TM4SF4: variants seen among roughly 807,000 people sequenced by gnomAD.
TM4SF4 encodes the protein transmembrane 4 L six family member 4.
In TM4SF4, 24 loss-of-function variants were observed where a neutral mutation model predicts 24.1. The ratio of observed to expected loss-of-function variants is 1.00; its 90% confidence interval spans 0.72 to 1.40. The LOEUF (loss-of-function observed/expected upper bound fraction) is 1.40, where lower values mean the gene tolerates loss of function less well. Among genes scored for constraint, TM4SF4 ranks in the 40% most tolerant of loss-of-function variants. TM4SF4 has a pLI of 0.00. For missense variants in TM4SF4, 254 were observed against 254.2 expected, an observed-to-expected ratio of 1.00 and a Z score of 0.01; for synonymous variants, 113 against 97.0, an observed-to-expected ratio of 1.17 and a Z score of -0.97.
chr3:149,499,037 A>C (rs1576523519), intron 4 of TM4SF4, 126 bp downstream of exon 4: 1 of 962,682 alleles, frequency 1.0e-6, no homozygotes, highest in Non-Finnish European at 1.6e-6. Flanking sequence ...CCACCTGCAG[A>C]AAACCAGCCC....
intron 2 of TM4SF4, among the ~76,000 whole-genome samples, chr3:149,478,207 G>A (rs1289465630): frequency 2.0e-5 from 3 of 152,198 alleles, no homozygotes; most frequent in Non-Finnish European, 2.9e-5. Flanking sequence ...GCGCAATGGC[G>A]CGATCTCGGC....
At chr3:149,500,736 G>A (rs1219426289) in intron 4 of TM4SF4, among the ~76,000 whole-genome samples, 1 of 152,140 alleles carries the variant, frequency 6.6e-6, no homozygotes, top group African/African-American at 2.4e-5. Flanking sequence ...GCTGGACATG[G>A]TGGCTCATGT....
intron 3 of TM4SF4, among the ~76,000 whole-genome samples, chr3:149,489,192 G>C (rs1323204643): frequency 6.6e-6 from 1 of 152,182 alleles, no homozygotes; most frequent in Admixed American, 6.5e-5. Context: ...TGGCTTGCTT[G>C]AGCATCAAAC....
At chr3:149,492,128 A>T (rs981492958) in intron 3 of TM4SF4, among the ~76,000 whole-genome samples, 1 of 152,174 alleles carries the variant, frequency 6.6e-6, no homozygotes, top group African/African-American at 2.4e-5. Flanking sequence ...AAGATGATGA[A>T]CATCACCCAG....
intron 2 of TM4SF4, among the ~76,000 whole-genome samples, chr3:149,485,548 A>T (rs886090175): frequency 1.3e-5 from 2 of 152,222 alleles, no homozygotes. Context: ...AAACTATGCT[A>T]AGTGTGGAAA....
chr3:149,490,815 G>A (rs1576520649), intron 3 of TM4SF4, among the ~76,000 whole-genome samples: 1 of 152,170 alleles, frequency 6.6e-6, no homozygotes, highest in East Asian at 1.9e-4. Flanking sequence ...TCAGTCACTT[G>A]TATGAGCCAA....
intron 3 of TM4SF4, 78 bp from the exon 4 acceptor site, chr3:149,498,644 A>G: frequency 7.5e-7 from 1 of 1,341,762 alleles, no homozygotes; most frequent in Non-Finnish European, 1.1e-6. Flanking sequence ...CATGAGAAAC[A>G]TTGTTATGGT....
intron 2 of TM4SF4, among the ~76,000 whole-genome samples, chr3:149,481,979 A>G (rs933235374): frequency 1.1e-4 from 16 of 152,196 alleles, no homozygotes; most frequent in African/African-American, 2.9e-4. Flanking sequence ...TAATAATGAC[A>G]TTGATCAAGT....
At chr3:149,486,967 T>C (rs1734126870) in intron 2 of TM4SF4, among the ~76,000 whole-genome samples, 1 of 152,170 alleles carries the variant, frequency 6.6e-6, no homozygotes, top group South Asian at 2.1e-4. Flanking sequence ...TTAAGATTAC[T>C]GCCAGGCCAG....
chr3:149,500,786 C>G (rs1576524038), intron 4 of TM4SF4, among the ~76,000 whole-genome samples: 1 of 152,108 alleles, frequency 6.6e-6, no homozygotes, highest in Non-Finnish European at 1.5e-5. Flanking sequence ...GCAAGAAGAT[C>G]ACTTGAACCC....
chr3:149,497,224 A>G (rs1734327230), intron 3 of TM4SF4, among the ~76,000 whole-genome samples: 1 of 152,210 alleles, frequency 6.6e-6, no homozygotes, highest in South Asian at 2.1e-4. Context: ...CACTGATCTA[A>G]GCACTTTACT....
chr3:149,475,993 C>G (rs1317482648), intron 2 of TM4SF4, 81 bp downstream of exon 2: 8 of 1,215,848 alleles, frequency 6.6e-6, no homozygotes, highest in Non-Finnish European at 9.5e-6. Flanking sequence ...GGGATGGAGA[C>G]AAGTTATCAG....
rs761803548 is a variant in TM4SF4, at chr3:149,484,480, C to T, written c.265-3139C>T. Among the ~76,000 whole-genome samples, 14 of 152,030 alleles carry T rather than the reference C, an allele frequency of 9.2e-5. No homozygotes were observed. The East Asian group carries it at 2.3e-3, about 25-fold the overall frequency. ...CTCACTGCAACCTCTGCCTCTCGGGCTCAAGCGATTCTCCTGCCTCAGCCT... is the reference window on the plus strand; with the variant it reads ...CTCACTGCAACCTCTGCCTCTCGGGTTCAAGCGATTCTCCTGCCTCAGCCT... On this transcript the variant is annotated intron_variant, in intron 2 of 4. Coordinates refer to ENST00000305354, the MANE Select transcript of TM4SF4 (RefSeq NM_004617.4).
At chr3:149,487,474 C>T in intron 2 of TM4SF4, 145 bp from the exon 3 acceptor site, 2 of 845,586 alleles carry the variant, frequency 2.4e-6, no homozygotes, top group South Asian at 1.9e-5. Flanking sequence ...TCTAGAAGAC[C>T]CCACAGGCCC....
chr3:149,488,442 C>T lies in TM4SF4; in HGVS notation c.401+687C>T, dbSNP rs578167593. Among the ~76,000 whole-genome samples the T allele has an allele frequency of 3.3e-5, 5 of 152,306 alleles. No individual in the cohort carries two copies. The East Asian group carries it at 9.6e-4, about 29-fold the overall frequency. ...TTGTTAGTTGAGGACAGTGCCAGGG[C>T]TCAAACTCAGGACTTCTGACTTCAA... On this transcript the variant is annotated intron_variant, in intron 3 of 4. Transcript: ENST00000305354.
At chr3:149,495,531 C>A in intron 3 of TM4SF4, 1 of 394,552 alleles carries the variant, frequency 2.5e-6, no homozygotes, top group South Asian at 2.5e-5. Context: ...GCAAGCTCTT[C>A]CTGGGGAAAA....
At chr3:149,482,905 G>A (rs1303350829) in intron 2 of TM4SF4, among the ~76,000 whole-genome samples, 1 of 152,148 alleles carries the variant, frequency 6.6e-6, no homozygotes, top group African/African-American at 2.4e-5. Flanking sequence ...TTCTATGCTG[G>A]CTTTTTGACT....
At chr3:149,498,650 A>T in intron 3 of TM4SF4, 72 bp from the exon 4 acceptor site, 3 of 1,386,576 alleles carry the variant, frequency 2.2e-6, no homozygotes, top group East Asian at 2.3e-5. Flanking sequence ...AAACATTGTT[A>T]TGGTAACTTT....
chr3:149,483,010 T>G (rs1734061734), intron 2 of TM4SF4, among the ~76,000 whole-genome samples: 1 of 152,240 alleles, frequency 6.6e-6, no homozygotes, highest in Non-Finnish European at 1.5e-5. Context: ...GCATGTATCT[T>G]TCTTCCTGTG....
Sources: gnomAD v4.1 joint callset for allele counts (sites outside exome capture counted in the v4.1 genomes callset) on GRCh38, gnomAD v4.1.1 for gene constraint, MANE v1.5 for transcripts, NCBI Gene and HGNC (gene_info 2026-07-23, HGNC 2026-07-21) for gene names.